The following CARMIL1 variants were observed in gnomAD, a reference collection of about 807,000 sequenced individuals.
The protein encoded by CARMIL1 is capping protein regulator and myosin 1 linker 1.
Under a neutral mutation model 177.1 loss-of-function variants are expected in CARMIL1, and 90 were observed. The observed-to-expected ratio is 0.51, with a 90% CI of 0.43 to 0.61. CARMIL1 has a LOEUF of 0.61. Ranked by LOEUF, CARMIL1 falls within the 20% of genes least tolerant of loss-of-function variation. The pLI, the probability that CARMIL1 is intolerant of heterozygous loss-of-function variation, is 0.00. For missense variants in CARMIL1, 1,380 were observed against 1,667.0 expected (o/e 0.83, Z 3.00); for synonymous variants, 577 against 606.2 (o/e 0.95, Z 0.71).
intron 2 of CARMIL1, among the ~76,000 whole-genome samples, chr6:25,363,330 G>A (rs867718496): frequency 6.6e-6 from 1 of 152,074 alleles, no homozygotes; most frequent in Non-Finnish European, 1.5e-5. Context: ...TATTTATTTA[G>A]GAGCAGCTCA....
At chr6:25,282,758 A>G (rs1781238388) in intron 1 of CARMIL1, among the ~76,000 whole-genome samples, 1 of 152,146 alleles carries the variant, frequency 6.6e-6, no homozygotes, top group Admixed American at 6.5e-5. Context: ...TATGCCTTCA[A>G]GATTCAGCTC....
At chr6:25,322,086 C>T (rs1784722257) in intron 2 of CARMIL1, among the ~76,000 whole-genome samples, 1 of 152,002 alleles carries the variant, frequency 6.6e-6, no homozygotes, top group Non-Finnish European at 1.5e-5. Context: ...ACCACCATGC[C>T]TGGCTCTCTT....
chr6:25,572,420 G>A (rs1812161784), intron 29 of CARMIL1, among the ~76,000 whole-genome samples: 1 of 152,218 alleles, frequency 6.6e-6, no homozygotes, highest in East Asian at 1.9e-4. Context: ...ATAGCTGGGT[G>A]CAGTGGCTCA....
Position 25,550,926 on chromosome 6 carries a change from T to C in CARMIL1, c.2345T>C (p.Met782Thr). 1 of 1,613,388 alleles carries C rather than the reference T, an allele frequency of 6.2e-7. No individual in the cohort carries two copies. Among genetic ancestry groups the C allele is most frequent in the Non-Finnish European group, 8.5e-7 (1 of 1,179,520 alleles). ...GCATTGCAGGCGTTGCTTGAGTCCATGGTTGATGCTGCTGAGAATCTTTGT... is the reference window on the plus strand; with the variant it reads ...GCATTGCAGGCGTTGCTTGAGTCCACGGTTGATGCTGCTGAGAATCTTTGT... Reference protein sequence around the residue: ...DEQLKALLESMVDAAENLCPN... With the variant: ...DEQLKALLESTVDAAENLCPN... The change falls in exon 27 of 37, where the codon ATG (methionine) becomes ACG (threonine). Residue 782 changes from methionine to threonine, a missense_variant. By Grantham distance (81) the Met-to-Thr change is moderately conservative (BLOSUM62 -1). Transcript: ENST00000329474.
chr6:25,318,197 A>G (rs1179674673), intron 2 of CARMIL1, among the ~76,000 whole-genome samples: 1 of 152,078 alleles, frequency 6.6e-6, no homozygotes, highest in Admixed American at 6.5e-5. Flanking sequence ...AGCTGTGCGC[A>G]CAGTGGGTTG....
intron 16 of CARMIL1, among the ~76,000 whole-genome samples, chr6:25,497,509 A>G (rs1434052870): frequency 2.0e-5 from 3 of 152,158 alleles, no homozygotes; most frequent in Non-Finnish European, 4.4e-5. Flanking sequence ...AGAAAGCAGG[A>G]TCAGACAAAA....
chr6:25,545,610 C>G (rs948828898), intron 26 of CARMIL1, among the ~76,000 whole-genome samples: 1 of 151,906 alleles, frequency 6.6e-6, no homozygotes, highest in Non-Finnish European at 1.5e-5. Context: ...CAGTGCACAA[C>G]AAAAGGAGAA....
intron 17 of CARMIL1, among the ~76,000 whole-genome samples, chr6:25,508,917 T>A (rs1805199643): frequency 6.6e-6 from 1 of 152,196 alleles, no homozygotes; most frequent in Non-Finnish European, 1.5e-5. Context: ...TAAAGTATGC[T>A]TTGGTTTCAT....
chr6:25,442,728 T>C (rs1797886492), intron 5 of CARMIL1, among the ~76,000 whole-genome samples: 1 of 152,158 alleles, frequency 6.6e-6, no homozygotes, highest in Non-Finnish European at 1.5e-5. Flanking sequence ...GAAATCTCAG[T>C]TGAAAAAGAA....
chr6:25,459,210 T>TTTCTTTCTTTCTTTCTTTCTTTC, intron 8 of CARMIL1, among the ~76,000 whole-genome samples: 1 of 80,178 alleles, frequency 1.2e-5, no homozygotes, highest in African/African-American at 4.4e-5. Flanking sequence ...GATCCCAACT[T>TTTCTTTCTTTCTTTCTTTCTTTC]TTTCTTTCTT....
At chr6:25,481,820 A>G (rs1009457885) in intron 11 of CARMIL1, among the ~76,000 whole-genome samples, 2 of 152,256 alleles carry the variant, frequency 1.3e-5, no homozygotes, top group Non-Finnish European at 2.9e-5. Context: ...TCCATCTGCC[A>G]TTATCAGAAT....
intron 26 of CARMIL1, among the ~76,000 whole-genome samples, chr6:25,549,538 G>A (rs367905141): frequency 6.6e-6 from 1 of 152,136 alleles, no homozygotes; most frequent in African/African-American, 2.4e-5. Context: ...TGGGGACAGA[G>A]CACTGTCAAA....
intron 2 of CARMIL1, among the ~76,000 whole-genome samples, chr6:25,415,360 C>A (rs984431177): frequency 1.0e-3 from 159 of 152,114 alleles, no homozygotes; most frequent in African/African-American, 3.4e-3. Flanking sequence ...GACCCTAGTT[C>A]ATACCCTGTC....
At chr6:25,280,239 A>G (rs2150115303) in intron 1 of CARMIL1, among the ~76,000 whole-genome samples, 1 of 152,326 alleles carries the variant, frequency 6.6e-6, no homozygotes, top group African/African-American at 2.4e-5. Flanking sequence ...AAAGTCCGGG[A>G]AAGCCTATTG....
Position 25,390,873 on chromosome 6 carries a change from T to C in CARMIL1, c.139-29241T>C, listed in dbSNP as rs961476537. ...ACCTGTAATCAGCCTGGCTAATTTT[T>C]GTACTTTTAGTAGAGATGGGGTTTC... On this transcript the variant is annotated intron_variant, in intron 2 of 36. Transcript: ENST00000329474. Among the ~76,000 whole-genome samples the C allele has an allele frequency of 2.0e-5, 3 of 152,064 alleles. No individual in the cohort carries two copies. The South Asian group carries it at 6.2e-4, about 32-fold the overall frequency.
At chr6:25,525,243 A>C (rs182360914) in intron 23 of CARMIL1, among the ~76,000 whole-genome samples, 264 of 152,314 alleles carry the variant, frequency 1.7e-3, no homozygotes, top group African/African-American at 6.3e-3. Context: ...GACTAAAAAA[A>C]CACCTGTGTA....
intron 8 of CARMIL1, chr6:25,451,998 CCCCCCCA>C: frequency 6.0e-6 from 1 of 166,070 alleles, no homozygotes; most frequent in Non-Finnish European, 1.3e-5. Context: ...CCCCCCCTCC[CCCCCCCA>C]GAATACTGTT....
At chr6:25,280,850 T>G (rs1036705576) in intron 1 of CARMIL1, among the ~76,000 whole-genome samples, 1 of 152,100 alleles carries the variant, frequency 6.6e-6, no homozygotes, top group Non-Finnish European at 1.5e-5. Flanking sequence ...CTCACAAAGA[T>G]GATGTTTAAT....
At chr6:25,547,139 C>T (rs1809574321) in intron 26 of CARMIL1, among the ~76,000 whole-genome samples, 2 of 152,016 alleles carry the variant, frequency 1.3e-5, no homozygotes, top group Admixed American at 1.3e-4. Flanking sequence ...TCTCTAACAC[C>T]TCAATGGAGA....
Sources: allele counts gnomAD v4.1 joint callset (sites outside exome capture counted in the v4.1 genomes callset), GRCh38; gene constraint gnomAD v4.1.1; transcripts MANE v1.5; gene names NCBI Gene and HGNC (gene_info 2026-07-23, HGNC 2026-07-21).